SPART: variants seen among roughly 807,000 people sequenced by gnomAD.
SPART encodes the protein spartin.
Under a neutral mutation model 58.7 loss-of-function variants are expected in SPART, and 35 were observed. The observed-to-expected ratio is 0.60, with a 90% CI of 0.46 to 0.79. SPART has a LOEUF of 0.79. SPART is among the 30% of genes least tolerant of loss of function. The pLI is 0.00. For synonymous variants in SPART, 284 were observed against 280.7 expected (o/e 1.01, Z -0.12); for missense variants, 730 against 786.1 (o/e 0.93, Z 0.85).
At chr13:36,339,662 A>C (rs575342578) in intron 1 of SPART, among the ~76,000 whole-genome samples, 5 of 150,644 alleles carry the variant, frequency 3.3e-5, no homozygotes, top group Admixed American at 2.0e-4. Context: ...ACCAACCAAC[A>C]AACAAAAAAC....
rs1882984540 is a variant in SPART at position 36,326,842 on chromosome 13, T to A, written c.1165-144A>T. ...CCAGCCAACCTAGTTACCAGTATGG[T>A]CTTATAAAGTACAATACCAGAACTG... is the stretch of plus-strand genomic sequence containing the variant. On this transcript the variant is annotated intron_variant, in intron 4 of 8. Transcript: ENST00000438666. 3 of 856,394 alleles carry A rather than the reference T, an allele frequency of 3.5e-6. No individual in the cohort carries two copies. In the East Asian group the frequency reaches 8.1e-5, roughly 23 times the overall value. The allele number at this position is 856,394 out of a possible 1,614,324, so 53.0% of individuals were successfully genotyped here. A position where few individuals can be genotyped will look rare whatever the true frequency, so the allele number is the denominator to read the frequency against.
chr13:36,330,335 T>C (rs1448935413), intron 3 of SPART, among the ~76,000 whole-genome samples: 2 of 152,112 alleles, frequency 1.3e-5, no homozygotes. Flanking sequence ...TGATCATGTA[T>C]TTTGTTAAAT....
intron 1 of SPART, among the ~76,000 whole-genome samples, chr13:36,342,155 C>T (rs1167335551): frequency 6.6e-6 from 1 of 152,202 alleles, no homozygotes; most frequent in Non-Finnish European, 1.5e-5. Context: ...ACACCACTAT[C>T]CCCACGCATC....
intron 1 of SPART, among the ~76,000 whole-genome samples, chr13:36,337,853 A>C (rs1464793326): frequency 6.6e-6 from 1 of 152,218 alleles, no homozygotes; most frequent in Non-Finnish European, 1.5e-5. Flanking sequence ...TGCTTCCTTC[A>C]AGTGAAAAGG....
At chr13:36,351,513 A>C (rs1039227837) in intron 1 of SPART, among the ~76,000 whole-genome samples, 4 of 152,208 alleles carry the variant, frequency 2.6e-5, no homozygotes, top group African/African-American at 9.6e-5. Flanking sequence ...AAAATTGGTA[A>C]ATATGAACAC....
intron 5 of SPART, among the ~76,000 whole-genome samples, chr13:36,325,562 A>T (rs2137456109): frequency 6.6e-6 from 1 of 152,312 alleles, no homozygotes; most frequent in Non-Finnish European, 1.5e-5. Flanking sequence ...TATGAATTTG[A>T]CACACTGAAT....
intron 5 of SPART, among the ~76,000 whole-genome samples, chr13:36,320,029 T>C (rs1004213766): frequency 6.6e-6 from 1 of 152,210 alleles, no homozygotes; most frequent in Non-Finnish European, 1.5e-5. Context: ...GACCACATCC[T>C]GTAGCCCTTC....
chr13:36,324,643 A>G (rs1434203938), intron 5 of SPART, among the ~76,000 whole-genome samples: 2 of 152,214 alleles, frequency 1.3e-5, no homozygotes, highest in Admixed American at 1.3e-4. Context: ...AGTTTGTTAC[A>G]TAGCAGTAGT....
chr13:36,330,380 C>G (rs985375100), intron 3 of SPART, among the ~76,000 whole-genome samples: 2 of 151,850 alleles, frequency 1.3e-5, no homozygotes, highest in Non-Finnish European at 2.9e-5. Flanking sequence ...GTTTGTTGAC[C>G]ACCAGGTAGG....
rs902486818 is a variant in SPART at position 36,314,437 on chromosome 13, T to C, written c.1289-16A>G. 19 of 1,612,496 alleles carry C rather than the reference T, an allele frequency of 1.2e-5. No homozygotes were observed. Among genetic ancestry groups the C allele is most frequent in the Non-Finnish European group, 1.6e-5 (19 of 1,178,732 alleles). On this transcript the variant is annotated splice_polypyrimidine_tract_variant and intron_variant, in intron 5 of 8. Transcript: ENST00000438666. ...CAGGAAGCACCTTTTTAAAAGAAAA[T>C]TTAAAATTGCACAATATTAGGGCTA...
chr13:36,354,650 T>TC (rs1056667446), intron 1 of SPART, among the ~76,000 whole-genome samples: 19 of 152,232 alleles, frequency 1.2e-4, no homozygotes, highest in African/African-American at 4.6e-4. Context: ...GGACTTTGCC[T>TC]CTGTGCACCT....
chr13:36,353,096 T>C (rs1399900632), intron 1 of SPART, among the ~76,000 whole-genome samples: 2 of 152,262 alleles, frequency 1.3e-5, no homozygotes, highest in African/African-American at 4.8e-5. Context: ...GCCTACATTT[T>C]CTGAATACTT....
intron 1 of SPART, among the ~76,000 whole-genome samples, chr13:36,338,305 G>C (rs886484368): frequency 6.6e-6 from 1 of 152,176 alleles, no homozygotes; most frequent in African/African-American, 2.4e-5. Flanking sequence ...TAGGGAAGAT[G>C]AAAAGTCAAC....
intron 8 of SPART, chr13:36,308,396 T>C (rs1261983047): frequency 6.6e-6 from 1 of 152,196 alleles, no homozygotes; most frequent in Non-Finnish European, 1.5e-5. Context: ...AATACAAAGC[T>C]ACTTAACTAA....
chr13:36,346,123 T>C (rs1885087834), intron 1 of SPART, 102 bp downstream of exon 1: 2 of 152,146 alleles, frequency 1.3e-5, no homozygotes, highest in African/African-American at 4.8e-5. Flanking sequence ...CCTTGTCCCG[T>C]GACCGTCGCC....
At position 36,335,762 on chromosome 13, in the gene SPART, G is replaced by C; in HGVS notation, c.69C>G (p.Ala23=). 6.2e-7 allele frequency: 1 copy of C among 1,613,894 alleles called. No individual in the cohort carries two copies. Among genetic ancestry groups the C allele is most frequent in the Non-Finnish European group, 8.5e-7 (1 of 1,179,972 alleles). Residue 23 remains alanine (A), a synonymous_variant, in exon 2 of 9, where the codon GCC becomes GCG. Transcript: ENST00000438666. ...TCAGACCTTTGTTAACAAATAAAAA[G>C]GCCTTCTTATATGCTTCTCTGATGA... ...IKIIREAYKK[A]FLFVNKGLNT... is the part of the protein sequence containing the mutation.
At chr13:36,338,293 A>C (rs530840489) in intron 1 of SPART, among the ~76,000 whole-genome samples, 1 of 152,360 alleles carries the variant, frequency 6.6e-6, no homozygotes, top group South Asian at 2.1e-4. Flanking sequence ...CACAAGGACA[A>C]ATAGGGAAGA....
intron 8 of SPART, among the ~76,000 whole-genome samples, chr13:36,310,723 G>A (rs938541616): frequency 6.6e-6 from 1 of 152,002 alleles, no homozygotes; most frequent in East Asian, 1.9e-4. Flanking sequence ...CCATGTAAAT[G>A]TTCCCCTGTT....
intron 1 of SPART, chr13:36,368,310 G>A (rs1249073157): frequency 3.0e-6 from 1 of 334,090 alleles, no homozygotes; most frequent in East Asian, 9.9e-5. Flanking sequence ...AACAAATCTG[G>A]AAGGCTTTTG....
Sources: allele counts gnomAD v4.1 joint callset (sites outside exome capture counted in the v4.1 genomes callset), GRCh38; gene constraint gnomAD v4.1.1; transcripts MANE v1.5; gene names NCBI Gene and HGNC (gene_info 2026-07-23, HGNC 2026-07-21).